RTL4: variants seen among roughly 807,000 people sequenced by gnomAD.
The protein encoded by RTL4 is retrotransposon Gag like 4, also known as retrotransposon Gag-like protein 4.
RTL4 carries 4 observed loss-of-function variants against 5.3 expected under a neutral mutation model. That is an observed-to-expected ratio of 0.75 (90% CI 0.37 to 1.72). RTL4 has a LOEUF of 1.72. RTL4 is among the 40% of genes most tolerant of loss of function. The probability of loss-of-function intolerance (pLI) is 0.04; values close to 1 mark genes in which losing one functional copy is unlikely to be tolerated. For synonymous variants in RTL4, 98 were observed against 87.3 expected, an observed-to-expected ratio of 1.12 and a Z score of -0.68; for missense variants, 260 against 227.1, an observed-to-expected ratio of 1.14 and a Z score of -0.93.
At chrX:112,422,744 T>C in the RTL4 span, among the ~76,000 whole-genome samples, 1,209 of 110,366 alleles carry the variant, frequency 0.011, 27 homozygotes, top group African/African-American at 0.037. Context: ...TGCTTGTAAA[T>C]TGCTCCTTTA....
chrX:112,287,136 A>T, the RTL4 span, among the ~76,000 whole-genome samples: 1 of 112,065 alleles, frequency 8.9e-6, no homozygotes, highest in Non-Finnish European at 1.9e-5. Flanking sequence ...TGCCTGACTC[A>T]TAGAAGGTAC....
the RTL4 span, among the ~76,000 whole-genome samples, chrX:112,447,598 CA>C: frequency 3.6e-4 from 41 of 112,450 alleles, no homozygotes; most frequent in African/African-American, 1.3e-3. Flanking sequence ...TGTCCTTAGA[CA>C]ACTCTTTTTT....
At chrX:112,434,494 C>A in the RTL4 span, among the ~76,000 whole-genome samples, 1 of 111,782 alleles carries the variant, frequency 8.9e-6, no homozygotes, top group Admixed American at 9.5e-5. Context: ...TTATCCATTT[C>A]GTCTAGATTT....
the RTL4 span, among the ~76,000 whole-genome samples, chrX:112,316,973 T>C: frequency 8.9e-6 from 1 of 112,271 alleles, no homozygotes; most frequent in African/African-American, 3.2e-5. Flanking sequence ...TATAACATTA[T>C]GATCTGAAAA....
the RTL4 span, among the ~76,000 whole-genome samples, chrX:112,318,799 T>G: frequency 9.0e-6 from 1 of 111,544 alleles, no homozygotes; most frequent in Non-Finnish European, 1.9e-5. Flanking sequence ...GCTTGACTTT[T>G]TATATCTACA....
the RTL4 span, among the ~76,000 whole-genome samples, chrX:112,306,757 T>C: frequency 9.0e-6 from 1 of 111,529 alleles, no homozygotes; most frequent in Non-Finnish European, 1.9e-5. Flanking sequence ...GATTCCCAGC[T>C]ACCCAAAGTC....
At chrX:112,284,468 C>A in the RTL4 span, among the ~76,000 whole-genome samples, 3 of 110,617 alleles carry the variant, frequency 2.7e-5, no homozygotes, top group African/African-American at 9.9e-5. Flanking sequence ...TCCTCCTGAA[C>A]TTTCTCATTC....
chrX:112,363,515 C>T, the RTL4 span, among the ~76,000 whole-genome samples: 1,636 of 110,302 alleles, frequency 0.015, 34 homozygotes, highest in African/African-American at 0.051. Flanking sequence ...CTTGCGTACT[C>T]ATACTTATGA....
chrX:112,236,013 G>A, the RTL4 span, among the ~76,000 whole-genome samples: 5 of 111,402 alleles, frequency 4.5e-5, no homozygotes, highest in Non-Finnish European at 9.4e-5. Context: ...AACCAAGAAA[G>A]CTACTGCTTT....
the RTL4 span, among the ~76,000 whole-genome samples, chrX:112,411,796 G>A: frequency 9.0e-6 from 1 of 110,839 alleles, no homozygotes; most frequent in Non-Finnish European, 1.9e-5. Context: ...ACTAGAAAAT[G>A]ATAAGGATGC....
chrX:112,170,369 T>C, the RTL4 span, among the ~76,000 whole-genome samples: 1 of 112,421 alleles, frequency 8.9e-6, no homozygotes, highest in African/African-American at 3.2e-5. Flanking sequence ...ATATTGATTC[T>C]TCCTATCCAT....
At chrX:112,440,923 T>G in the RTL4 span, among the ~76,000 whole-genome samples, 5 of 110,833 alleles carry the variant, frequency 4.5e-5, no homozygotes, top group East Asian at 1.4e-3. Context: ...ATCTTCAAAT[T>G]ACTTTAATGG....
the RTL4 span, among the ~76,000 whole-genome samples, chrX:112,318,280 A>C: frequency 2.7e-5 from 3 of 111,595 alleles, no homozygotes; most frequent in East Asian, 8.5e-4. Context: ...CTCATTAGAG[A>C]GACCTTCCTT....
the RTL4 span, among the ~76,000 whole-genome samples, chrX:112,366,572 G>C: frequency 8.9e-6 from 1 of 111,842 alleles, no homozygotes; most frequent in Non-Finnish European, 1.9e-5. Flanking sequence ...TTTGTTTGTT[G>C]AATGGCTTAT....
At chrX:112,338,281 G>A in the RTL4 span, among the ~76,000 whole-genome samples, 1 of 111,528 alleles carries the variant, frequency 9.0e-6, no homozygotes, top group Non-Finnish European at 1.9e-5. Context: ...CTTGTAACTG[G>A]GAATTAAGGG....
At chrX:112,320,876 C>G in the RTL4 span, among the ~76,000 whole-genome samples, 1 of 111,538 alleles carries the variant, frequency 9.0e-6, no homozygotes, top group Non-Finnish European at 1.9e-5. Context: ...TAAACATTTC[C>G]ATATATTTAT....
the RTL4 span, among the ~76,000 whole-genome samples, chrX:112,124,881 T>A: frequency 9.0e-6 from 1 of 111,302 alleles, no homozygotes; most frequent in African/African-American, 3.3e-5. Flanking sequence ...GAGTATGTAA[T>A]CTATTAAGAG....
chrX:112,275,268 C>T, the RTL4 span, among the ~76,000 whole-genome samples: 1 of 109,039 alleles, frequency 9.2e-6, no homozygotes, highest in African/African-American at 3.4e-5. Context: ...CATGCGAGAA[C>T]TAGCCATGGA....
the RTL4 span, among the ~76,000 whole-genome samples, chrX:112,303,887 T>C: frequency 9.0e-6 from 1 of 111,259 alleles, no homozygotes; most frequent in Non-Finnish European, 1.9e-5. Flanking sequence ...TATACAGGGA[T>C]GCTTGTATTA....
Sources: allele counts gnomAD v4.1 joint callset (sites outside exome capture counted in the v4.1 genomes callset), GRCh38; gene constraint gnomAD v4.1.1; transcripts MANE v1.5; gene names NCBI Gene and HGNC (gene_info 2026-07-23, HGNC 2026-07-21).